METTL24: variants seen among roughly 807,000 people sequenced by gnomAD.
METTL24 encodes methyltransferase like 24, also known as probable methyltransferase-like protein 24.
Under a neutral mutation model 32.7 loss-of-function variants are expected in METTL24, and 29 were observed. The observed-to-expected ratio is 0.89, with a 90% CI of 0.66 to 1.21. The LOEUF (loss-of-function observed/expected upper bound fraction) is 1.21. Ranked by LOEUF, METTL24 falls within the 50% of genes most tolerant of loss-of-function variation. The pLI is 0.00. For missense variants in METTL24, 439 were observed against 468.1 expected, an observed-to-expected ratio of 0.94 and a Z score of 0.57; for synonymous variants, 163 against 179.5, an observed-to-expected ratio of 0.91 and a Z score of 0.73.
chr6:110,257,299 G>A (rs1440004912), intron 4 of METTL24, among the ~76,000 whole-genome samples: 2 of 152,102 alleles, frequency 1.3e-5, no homozygotes, highest in African/African-American at 4.8e-5. Context: ...TGTGTACAAG[G>A]AAGTGAACTG....
chr6:110,344,685 G>A (rs927190785), intron 1 of METTL24, among the ~76,000 whole-genome samples: 1 of 152,084 alleles, frequency 6.6e-6, no homozygotes, highest in African/African-American at 2.4e-5. Context: ...ATGGGGAAAG[G>A]ATTCTCTATT....
chr6:110,257,145 T>C (rs755809572), intron 4 of METTL24, among the ~76,000 whole-genome samples: 7 of 152,236 alleles, frequency 4.6e-5, no homozygotes, highest in Non-Finnish European at 7.3e-5. Context: ...TTTTATCTTA[T>C]GGAATATTTC....
chr6:110,264,984 A>G (rs190032667), intron 4 of METTL24, among the ~76,000 whole-genome samples: 169 of 149,818 alleles, frequency 1.1e-3, no homozygotes, highest in African/African-American at 3.7e-3. Flanking sequence ...GGGTGGGGGT[A>G]GTGGGGAGGG....
At position 110,315,417 on chromosome 6, in the gene METTL24, C is replaced by T. The variant is rs1771801401; in HGVS notation, c.482G>A (p.Trp161Ter). Residue 161 changes from tryptophan to a stop codon, truncating the protein, a stop_gained, in exon 3 of 5, where the codon TGG becomes TAG. Coordinates refer to ENST00000338882, the MANE Select transcript of METTL24 (RefSeq NM_001123364.3). LOFTEE classifies it high-confidence loss of function. Reference protein sequence around the residue: ...ATDSSPTHKPWSVCLDDRFNL... With the variant: ...ATDSSPTHKP ...GAACCTGTCGTCAAGACACACTGACCAGGGCTTGTGTGTAGGACTAGAGTC... is the reference window on the plus strand; with the variant it reads ...GAACCTGTCGTCAAGACACACTGACTAGGGCTTGTGTGTAGGACTAGAGTC... 1 of 1,614,012 alleles carries T rather than the reference C, an allele frequency of 6.2e-7. No homozygotes were observed. The highest frequency in any genetic ancestry group is 1.3e-5 in the African/African-American group (1 of 74,916).
At chr6:110,247,865 T>C (rs1778197397) in intron 4 of METTL24, among the ~76,000 whole-genome samples, 2 of 152,212 alleles carry the variant, frequency 1.3e-5, no homozygotes, top group Non-Finnish European at 2.9e-5. Flanking sequence ...ATCCAAACTA[T>C]TCTGACGTAG....
At chr6:110,306,075 A>G (rs1349121458) in intron 3 of METTL24, among the ~76,000 whole-genome samples, 2 of 150,916 alleles carry the variant, frequency 1.3e-5, no homozygotes, top group East Asian at 3.9e-4. Context: ...CGAACACCAC[A>G]TGTTCTCACT....
At position 110,322,836 on chromosome 6, in the gene METTL24, C is replaced by T. The variant is rs749923800; in HGVS notation, c.355G>A (p.Gly119Ser). The T allele has an allele frequency of 1.2e-6, 2 of 1,613,790 alleles. No homozygotes were observed. The highest frequency in any genetic ancestry group is 2.7e-5 in the African/African-American group (2 of 74,936). Residue 119 changes from glycine (G) to serine (S), a missense_variant, in exon 2 of 5, where the codon GGC becomes AGC. Physicochemically the swap from Gly to Ser is moderately conservative, Grantham distance 56 (BLOSUM62 0). Transcript: ENST00000338882. ...TCTTCATCCAGGGACTGAGCAGAGC[C>T]TGCCCAAGGCTGGAGATCTATATGC... is the stretch of plus-strand genomic sequence containing the variant. ...RWHIDLQPWAGSAQSLDEEAW... is the reference protein window; with the variant it reads ...RWHIDLQPWASSAQSLDEEAW...
intron 2 of METTL24, 51 bp from the exon 3 acceptor site, chr6:110,315,532 T>C (rs775903419): frequency 6.2e-7 from 1 of 1,600,012 alleles, no homozygotes; most frequent in South Asian, 1.1e-5. Flanking sequence ...GGATGATAAA[T>C]AGCAGGTAGG....
In METTL24 at chr6:110,333,078, T is replaced by C. The variant is rs563323426; in HGVS notation, c.319-10206A>G. Reference sequence around the variant, plus strand: ...ACACCCTATTCAAAATACGTAAGGTTACCTGGACTTTCTGAAACTCAGAAT... The same window carrying C: ...ACACCCTATTCAAAATACGTAAGGTCACCTGGACTTTCTGAAACTCAGAAT... On this transcript the variant is annotated intron_variant, in intron 1 of 4. Coordinates refer to ENST00000338882, the MANE Select transcript of METTL24 (RefSeq NM_001123364.3). 4.4e-4 allele frequency among the ~76,000 whole-genome samples: 67 copies of C among 152,280 alleles called. 1 individual carries two copies. The highest frequency in any genetic ancestry group is 3.4e-3 in the Middle Eastern group (1 of 294).
chr6:110,298,886 C>G (rs750361926), intron 4 of METTL24, 36 bp downstream of exon 4: 1 of 1,581,602 alleles, frequency 6.3e-7, no homozygotes. Flanking sequence ...GGTTTGTTTA[C>G]TTTATTCAAG....
Position 110,246,066 on chromosome 6 carries a change from CT to C in METTL24, c.980del (p.Lys327ArgfsTer19). On this transcript the variant is annotated frameshift_variant, in exon 5 of 5. Transcript: ENST00000338882. LOFTEE classifies it high-confidence loss of function. ...TGTAACTGTGAAAAAGCCTGAAATC[CT>C]TTTGTTCTAACTCTTTGAGAAGGCT... ...WYSLLKELEQ[K>X]DFRLFHSYKD... The C allele has an allele frequency of 6.2e-7, 1 of 1,614,104 alleles. No individual in the cohort carries two copies. Among genetic ancestry groups the C allele is most frequent in the Non-Finnish European group, 8.5e-7 (1 of 1,180,024 alleles).
intron 4 of METTL24, among the ~76,000 whole-genome samples, chr6:110,255,955 C>G (rs1274303361): frequency 6.6e-6 from 1 of 152,010 alleles, no homozygotes; most frequent in African/African-American, 2.4e-5. Context: ...ATGCAAAAAG[C>G]AAGCACTAAT....
At chr6:110,267,012 G>T (rs774106321) in intron 4 of METTL24, among the ~76,000 whole-genome samples, 6 of 152,004 alleles carry the variant, frequency 3.9e-5, no homozygotes, top group Admixed American at 3.9e-4. Context: ...ATTTTGTGGG[G>T]CCTCAAGCTT....
chr6:110,338,384 G>A (rs1415454016), intron 1 of METTL24, among the ~76,000 whole-genome samples: 2 of 152,140 alleles, frequency 1.3e-5, no homozygotes, highest in African/African-American at 4.8e-5. Flanking sequence ...TGTAATACCA[G>A]CTACTCAGGA....
At chr6:110,269,390 C>T (rs1220597807) in intron 4 of METTL24, among the ~76,000 whole-genome samples, 1 of 152,142 alleles carries the variant, frequency 6.6e-6, no homozygotes, top group East Asian at 1.9e-4. Flanking sequence ...GAACAGCTCT[C>T]TTATATTTCA....
At chr6:110,342,827 C>T (rs1479204682) in intron 1 of METTL24, among the ~76,000 whole-genome samples, 1 of 152,158 alleles carries the variant, frequency 6.6e-6, no homozygotes, top group Non-Finnish European at 1.5e-5. Flanking sequence ...TTTGTGATTG[C>T]TTTTACTTAG....
At chr6:110,281,614 A>T (rs2114717677) in intron 4 of METTL24, among the ~76,000 whole-genome samples, 1 of 151,082 alleles carries the variant, frequency 6.6e-6, no homozygotes, top group African/African-American at 2.4e-5. Flanking sequence ...ACACCACTGC[A>T]CTCCAGCCTG....
At chr6:110,333,061 T>C (rs1772137243) in intron 1 of METTL24, among the ~76,000 whole-genome samples, 2 of 152,080 alleles carry the variant, frequency 1.3e-5, no homozygotes, top group South Asian at 4.1e-4. Context: ...ACACACCCTA[T>C]TCAAAATACG....
intron 1 of METTL24, among the ~76,000 whole-genome samples, chr6:110,350,225 A>C (rs144760106): frequency 1.3e-5 from 2 of 152,360 alleles, no homozygotes; most frequent in African/African-American, 4.8e-5. Flanking sequence ...AATACTCACT[A>C]TATCTGTGGT....
Sources: gnomAD v4.1 joint callset for allele counts (sites outside exome capture counted in the v4.1 genomes callset) on GRCh38, gnomAD v4.1.1 for gene constraint, MANE v1.5 for transcripts, NCBI Gene and HGNC (gene_info 2026-07-23, HGNC 2026-07-21) for gene names.